The following ACOT7 variants were observed in gnomAD, a reference collection of about 807,000 sequenced individuals.
ACOT7 encodes acyl-CoA thioesterase 7, also known as cytosolic acyl coenzyme A thioester hydrolase.
ACOT7 carries 12 observed loss-of-function variants against 40.2 expected under a neutral mutation model. That is an observed-to-expected ratio of 0.30 (90% CI 0.19 to 0.48). ACOT7 has a LOEUF of 0.48. ACOT7 is among the 20% of genes least tolerant of loss of function. ACOT7 has a pLI of 0.99. For missense variants in ACOT7, 395 were observed against 530.8 expected, an observed-to-expected ratio of 0.74 and a Z score of 2.51; for synonymous variants, 228 against 219.5, an observed-to-expected ratio of 1.04 and a Z score of -0.34.
intron 6 of ACOT7, among the ~76,000 whole-genome samples, chr1:6,308,792 A>AGGAAAAGCGACTGGGCGGAG (rs3838284): frequency 0.098 from 13,169 of 134,178 alleles, 640 homozygotes; most frequent in Middle Eastern, 0.12. Flanking sequence ...ACTGGATGGA[A>AGGAAAAGCGACTGGGCGGAG]GGAAAAGCGA....
At chr1:6,272,637 CAA>C (rs1278815880) in intron 8 of ACOT7, among the ~76,000 whole-genome samples, 1 of 152,192 alleles carries the variant, frequency 6.6e-6, no homozygotes, top group South Asian at 2.1e-4. Flanking sequence ...TGTCTGGCCG[CAA>C]AGAGCCTTTG....
chr1:6,295,403 T>C (rs7525381), intron 6 of ACOT7: 37,839 of 163,108 alleles, frequency 0.23, 6,727 homozygotes, highest in African/African-American at 0.51. Flanking sequence ...CAGTTTGAAG[T>C]TTCGCAAGAG....
At chr1:6,322,486 CA>C (rs1379577777) in intron 5 of ACOT7, among the ~76,000 whole-genome samples, 1 of 152,212 alleles carries the variant, frequency 6.6e-6, no homozygotes, top group Non-Finnish European at 1.5e-5. Flanking sequence ...GAGTGCCCAC[CA>C]AAGGCTGGCG....
intron 1 of ACOT7, among the ~76,000 whole-genome samples, chr1:6,365,308 G>C (rs1641979994): frequency 1.3e-5 from 2 of 152,178 alleles, no homozygotes; most frequent in Non-Finnish European, 2.9e-5. Flanking sequence ...GCATACCTCA[G>C]AGATATTACG....
rs779120988 is a variant in ACOT7, at chr1:6,339,418, C to T, written c.418+15G>A. On this transcript the variant is annotated intron_variant, in intron 3 of 8. Coordinates refer to ENST00000361521, the MANE Select transcript of ACOT7 (RefSeq NM_007274.4). ...CCCTTACTGCTCCAGTCAACACTGT[C>T]GCTCCCAGAAGTACCTGTGAGGATG... 36 of 1,612,160 alleles carry T rather than the reference C, an allele frequency of 2.2e-5. No homozygotes were observed. The East Asian group carries it at 2.7e-4, about 12-fold the overall frequency.
At chr1:6,267,487 G>GCC (rs369314226) in intron 8 of ACOT7, among the ~76,000 whole-genome samples, 2 of 152,180 alleles carry the variant, frequency 1.3e-5, no homozygotes, top group African/African-American at 4.8e-5. Context: ...CTGCCTGCCT[G>GCC]TCTGTGTCTG....
At position 6,355,324 on chromosome 1, in the gene ACOT7, T is replaced by C. The variant is rs908520268; in HGVS notation, c.144-5458A>G. Reference sequence around the variant, plus strand: ...CCCCACAGCTGTTTCCACACACGGTTAAACGAAGCACTGCAAGGGTACTCA... The same window carrying C: ...CCCCACAGCTGTTTCCACACACGGTCAAACGAAGCACTGCAAGGGTACTCA... On this transcript the variant is annotated intron_variant, in intron 1 of 8. Coordinates refer to ENST00000361521, the MANE Select transcript of ACOT7 (RefSeq NM_007274.4). The surrounding 1 kb of genome is among the most constrained non-coding windows in gnomAD (Gnocchi z 5.0). Among the ~76,000 whole-genome samples the C allele has an allele frequency of 1.6e-4, 25 of 152,168 alleles. No homozygotes were observed. The highest frequency in any genetic ancestry group is 6.0e-4 in the African/African-American group (25 of 41,434).
At chr1:6,335,384 C>T (rs12401849) in intron 3 of ACOT7, among the ~76,000 whole-genome samples, 22,353 of 150,848 alleles carry the variant, frequency 0.15, 1,818 homozygotes, top group African/African-American at 0.21. Context: ...CACATGTGGT[C>T]CCAAAGGCTG....
chr1:6,277,353 C>T (rs1241327827), intron 8 of ACOT7, among the ~76,000 whole-genome samples: 2 of 152,372 alleles, frequency 1.3e-5, no homozygotes, highest in East Asian at 1.9e-4. Context: ...CCTGCAGCCG[C>T]TGCCAACCTG....
At chr1:6,365,269 TGTG>T (rs940384635) in intron 1 of ACOT7, among the ~76,000 whole-genome samples, 1 of 152,066 alleles carries the variant, frequency 6.6e-6, no homozygotes, top group Non-Finnish European at 1.5e-5. Context: ...CGGTCTTGAT[TGTG>T]GTGAAGGCTT....
intron 7 of ACOT7, among the ~76,000 whole-genome samples, chr1:6,292,533 C>T (rs1438108599): frequency 6.6e-6 from 1 of 152,198 alleles, no homozygotes; most frequent in Non-Finnish European, 1.5e-5. Flanking sequence ...AAAAAGCATT[C>T]GACCCAGACT....
At chr1:6,368,671 C>T (rs965286339) in intron 1 of ACOT7, among the ~76,000 whole-genome samples, 1 of 152,198 alleles carries the variant, frequency 6.6e-6, no homozygotes, top group Admixed American at 6.5e-5. Flanking sequence ...ACAGTGAGAG[C>T]GGGTAAGAGC....
At chr1:6,389,758 G>A (rs1642502145) in intron 1 of ACOT7, among the ~76,000 whole-genome samples, 2 of 148,342 alleles carry the variant, frequency 1.3e-5, no homozygotes, top group Admixed American at 1.3e-4. Context: ...CTGGGGGACA[G>A]GGCAAGACTC....
At chr1:6,291,685 G>T (rs1639667555) in intron 7 of ACOT7, among the ~76,000 whole-genome samples, 1 of 152,176 alleles carries the variant, frequency 6.6e-6, no homozygotes, top group South Asian at 2.1e-4. Context: ...GGGCAGCAGG[G>T]TCTGGCCCTC....
chr1:6,281,258 C>A lies in ACOT7; in HGVS notation c.858G>T (p.Met286Ile). Residue 286 changes from methionine (M) to isoleucine (I), a missense_variant, in exon 8 of 9, where the codon ATG becomes ATT. Around this residue, in one of 2 missense-constraint regions of ACOT7, gnomAD observed 309 missense variants for 470.3 expected, o/e 0.66. Transcript: ENST00000361521. ...CCATGGACTTATTGCTCGTGAAGGT[C>A]ATGCGTCCCGAGATGGTGATGACGC... ...KGCVITISGR[M>I]TFTSNKSMEI... The A allele has an allele frequency of 6.2e-7, 1 of 1,614,022 alleles. No homozygotes were observed. Among genetic ancestry groups the A allele is most frequent in the South Asian group, 1.1e-5 (1 of 91,062 alleles).
At position 6,349,772 on chromosome 1, in the gene ACOT7, G is replaced by T. The variant is rs146057501; in HGVS notation, c.238C>A (p.Arg80=). The change falls in exon 2 of 9, where the codon CGG becomes AGG. Residue 80 remains arginine (R), a synonymous_variant. Transcript: ENST00000361521. The part of the protein sequence containing the change: ...IEEAGAIIST[R]HCNSQNGERC... Reference sequence around the variant, plus strand: ...ACCCCGTTCTGGCTGTTGCAATGCCGGGTGCTGATGATGGCGCCTGCCTCC... The same window carrying T: ...ACCCCGTTCTGGCTGTTGCAATGCCTGGTGCTGATGATGGCGCCTGCCTCC... 2 of 1,613,874 alleles carry T rather than the reference G, an allele frequency of 1.2e-6. No homozygotes were observed. Among genetic ancestry groups the T allele is most frequent in the Non-Finnish European group, 1.7e-6 (2 of 1,179,940 alleles).
intron 1 of ACOT7, among the ~76,000 whole-genome samples, chr1:6,357,609 G>A (rs942538380): frequency 2.0e-5 from 3 of 152,222 alleles, no homozygotes; most frequent in South Asian, 2.1e-4. Flanking sequence ...GCAGACACTC[G>A]GAGCTTCCTT....
intron 8 of ACOT7, among the ~76,000 whole-genome samples, chr1:6,272,602 C>G (rs553298688): frequency 2.0e-5 from 3 of 152,346 alleles, no homozygotes; most frequent in Admixed American, 2.0e-4. Flanking sequence ...CTTCCTGCAC[C>G]TTTGCTTGCA....
chr1:6,344,919 G>GTGGC (rs1483504133), intron 2 of ACOT7, among the ~76,000 whole-genome samples: 3 of 152,142 alleles, frequency 2.0e-5, no homozygotes, highest in Non-Finnish European at 4.4e-5. Flanking sequence ...GGCTGCAGAG[G>GTGGC]TGGCTCTGTG....
Sources: gnomAD v4.1 joint callset for allele counts (sites outside exome capture counted in the v4.1 genomes callset) on GRCh38, gnomAD v4.1.1 for gene constraint, gnomAD v4.1.1 regional missense constraint, Gnocchi (gnomAD v3.1) non-coding constraint, MANE v1.5 for transcripts, NCBI Gene and HGNC (gene_info 2026-07-23, HGNC 2026-07-21) for gene names.